The following FAH variants were observed in gnomAD, a reference collection of about 807,000 sequenced individuals.
The protein encoded by FAH is fumarylacetoacetase.
Under a neutral mutation model 55.8 loss-of-function variants are expected in FAH, and 47 were observed. The observed-to-expected ratio is 0.84, with a 90% CI of 0.67 to 1.07. The LOEUF is 1.07. Ranked by LOEUF, FAH falls within the 50% of genes least tolerant of loss-of-function variation. The pLI is 0.00. For synonymous variants in FAH, 199 were observed against 207.7 expected, an observed-to-expected ratio of 0.96 and a Z score of 0.36; for missense variants, 495 against 545.9, an observed-to-expected ratio of 0.91 and a Z score of 0.93.
intron 12 of FAH, chr15:80,180,475 A>C: frequency 1.9e-6 from 1 of 534,270 alleles, no homozygotes; most frequent in South Asian, 2.0e-5. Context: ...GCGCAGTGAC[A>C]CGTGGGGAGG....
intron 5 of FAH, 116 bp from the exon 6 acceptor site, chr15:80,167,936 A>AT: frequency 1.2e-6 from 1 of 802,076 alleles, no homozygotes; most frequent in Non-Finnish European, 2.2e-6. Flanking sequence ...GCACCTGTTG[A>AT]TTTTTGAGCC....
At chr15:80,168,173 C>T in intron 6 of FAH, 24 bp downstream of exon 6, 2 of 1,611,530 alleles carry the variant, frequency 1.2e-6, no homozygotes, top group Admixed American at 1.7e-5. Flanking sequence ...GCGTCCAGGC[C>T]TTGCTGGTAC....
intron 4 of FAH, among the ~76,000 whole-genome samples, chr15:80,160,896 C>A (rs1235111698): frequency 6.6e-6 from 1 of 152,192 alleles, no homozygotes; most frequent in Non-Finnish European, 1.5e-5. Flanking sequence ...AACTCTCAAC[C>A]TGAAGCAGAG....
chr15:80,185,595 A>G lies in FAH; in HGVS notation c.1181-535A>G, dbSNP rs1466484525. Reference sequence around the variant, plus strand: ...AGGTTTAATGGACTCACAGTTCCACATGGCTGGGGAGGCCTCACAATCATA... The same window carrying G: ...AGGTTTAATGGACTCACAGTTCCACGTGGCTGGGGAGGCCTCACAATCATA... On this transcript the variant is annotated intron_variant, in intron 13 of 13. Coordinates refer to ENST00000561421, the MANE Select transcript of FAH (RefSeq NM_000137.4). 1.3e-5 allele frequency among the ~76,000 whole-genome samples: 2 copies of G among 152,236 alleles called. 1 individual carries two copies. The highest frequency in any genetic ancestry group is 2.9e-5 in the Non-Finnish European group (2 of 68,032).
chr15:80,180,932 A>C, intron 12 of FAH, 110 bp from the exon 13 acceptor site: 2 of 835,914 alleles, frequency 2.4e-6, no homozygotes, highest in Admixed American at 1.8e-5. Flanking sequence ...TCTGAGGGGC[A>C]TGAGGGCCCC....
intron 9 of FAH, among the ~76,000 whole-genome samples, chr15:80,174,738 C>T (rs1269099581): frequency 6.6e-6 from 1 of 152,220 alleles, no homozygotes; most frequent in Non-Finnish European, 1.5e-5. Context: ...TTTCTCTCCC[C>T]TCCTGTGGCT....
intron 1 of FAH, among the ~76,000 whole-genome samples, chr15:80,154,759 G>A (rs1225041316): frequency 1.3e-5 from 2 of 152,216 alleles, no homozygotes; most frequent in Non-Finnish European, 2.9e-5. Flanking sequence ...CTCTGGTCCA[G>A]ATTTTGCCTG....
chr15:80,157,788 G>GTA (rs955220085), intron 1 of FAH: 15 of 509,182 alleles, frequency 2.9e-5, no homozygotes, highest in African/African-American at 2.5e-4. Flanking sequence ...AAGTGGCTAG[G>GTA]ACCAGGCTGA....
At chr15:80,183,646 C>T (rs557646554) in intron 13 of FAH, among the ~76,000 whole-genome samples, 1 of 152,316 alleles carries the variant, frequency 6.6e-6, no homozygotes, top group South Asian at 2.1e-4. Context: ...CACGGATGCT[C>T]CTTCCCCAAA....
intron 10 of FAH, among the ~76,000 whole-genome samples, chr15:80,175,346 G>A (rs1190711922): frequency 6.6e-6 from 1 of 151,990 alleles, no homozygotes; most frequent in African/African-American, 2.4e-5. Flanking sequence ...ATGGAGTCCG[G>A]GACTTCCATC....
chr15:80,155,894 C>T (rs931872382), intron 1 of FAH: 1 of 477,822 alleles, frequency 2.1e-6, no homozygotes. Flanking sequence ...AAGACTTTCG[C>T]TATTTCTTCT....
intron 13 of FAH, among the ~76,000 whole-genome samples, chr15:80,184,897 C>A (rs112644443): frequency 1.2e-4 from 19 of 152,252 alleles, no homozygotes; most frequent in East Asian, 1.2e-3. Flanking sequence ...AGATATCCCC[C>A]CTTCCTGCTC....
At chr15:80,172,526 C>G (rs1453340345) in intron 8 of FAH, among the ~76,000 whole-genome samples, 1 of 152,074 alleles carries the variant, frequency 6.6e-6, no homozygotes, top group Non-Finnish European at 1.5e-5. Flanking sequence ...TGCTTAACAC[C>G]CTTCGTATAT....
At chr15:80,165,223 T>C (rs1595892122) in intron 5 of FAH, among the ~76,000 whole-genome samples, 3 of 152,026 alleles carry the variant, frequency 2.0e-5, no homozygotes. Context: ...AAACCCTGTC[T>C]CTACTAAAAA....
intron 11 of FAH, among the ~76,000 whole-genome samples, chr15:80,179,329 A>C (rs1293562662): frequency 6.6e-6 from 1 of 152,194 alleles, no homozygotes; most frequent in South Asian, 2.1e-4. Flanking sequence ...TCATTGAACT[A>C]TTTCTAGTTT....
chr15:80,161,067 C>G (rs940814676), intron 4 of FAH, among the ~76,000 whole-genome samples: 1 of 152,152 alleles, frequency 6.6e-6, no homozygotes, highest in Admixed American at 6.5e-5. Flanking sequence ...CGGGGAGAGT[C>G]CTTTGCTGCT....
chr15:80,172,287 A>C (rs1293231110), intron 8 of FAH, 39 bp downstream of exon 8: 6 of 1,502,710 alleles, frequency 4.0e-6, no homozygotes, highest in Non-Finnish European at 5.6e-6. Context: ...GATGACGGGG[A>C]GGAGGCTGGG....
intron 11 of FAH, 43 bp from the exon 12 acceptor site, chr15:80,180,080 TA>T: frequency 6.8e-7 from 1 of 1,477,730 alleles, no homozygotes. Flanking sequence ...GATGCTAGGC[TA>T]AGCCTGCCGC....
intron 11 of FAH, among the ~76,000 whole-genome samples, chr15:80,178,012 CA>C (rs1037235355): frequency 3.9e-5 from 6 of 152,032 alleles, no homozygotes; most frequent in African/African-American, 1.4e-4. Context: ...CCAGCCTGGG[CA>C]ACATAATGAG....
Sources: gnomAD v4.1 joint callset for allele counts (sites outside exome capture counted in the v4.1 genomes callset) on GRCh38, gnomAD v4.1.1 for gene constraint, MANE v1.5 for transcripts, NCBI Gene and HGNC (gene_info 2026-07-23, HGNC 2026-07-21) for gene names.